ITGBL1: variants seen among roughly 807,000 people sequenced by gnomAD.
ITGBL1 encodes integrin beta-like protein 1.
A neutral mutation model predicts 68.5 loss-of-function variants in ITGBL1; 51 were observed. The observed-to-expected ratio is 0.74, with a 90% CI of 0.59 to 0.94. ITGBL1 has a LOEUF of 0.94. ITGBL1 is among the 40% of genes least tolerant of loss of function. The pLI is 0.00. For missense variants in ITGBL1, 649 were observed against 647.4 expected, an observed-to-expected ratio of 1.00 and a Z score of -0.03; for synonymous variants, 209 against 227.3, an observed-to-expected ratio of 0.92 and a Z score of 0.72.
chr13:101,600,547 C>T (rs1246533108), intron 7 of ITGBL1, among the ~76,000 whole-genome samples: 2 of 152,090 alleles, frequency 1.3e-5, no homozygotes, highest in African/African-American at 4.8e-5. Context: ...CAGTTTTTGT[C>T]CATTCAGTAT....
chr13:101,601,997 G>T (rs1455672593), intron 7 of ITGBL1, among the ~76,000 whole-genome samples: 5 of 151,968 alleles, frequency 3.3e-5, no homozygotes, highest in African/African-American at 1.2e-4. Flanking sequence ...AAAGTACATG[G>T]AGAAATATGA....
chr13:101,653,623 T>A (rs2032823234), intron 7 of ITGBL1, among the ~76,000 whole-genome samples: 2 of 152,088 alleles, frequency 1.3e-5, no homozygotes, highest in Admixed American at 1.3e-4. Flanking sequence ...AGCAAGACAA[T>A]ACATGCTTTT....
chr13:101,536,523 A>G (rs1299544291), intron 2 of ITGBL1, among the ~76,000 whole-genome samples: 1 of 152,026 alleles, frequency 6.6e-6, no homozygotes, highest in Non-Finnish European at 1.5e-5. Context: ...AAGACCATGG[A>G]TATTAAGATT....
At chr13:101,640,017 C>G (rs2032309825) in intron 7 of ITGBL1, among the ~76,000 whole-genome samples, 1 of 152,132 alleles carries the variant, frequency 6.6e-6, no homozygotes, top group South Asian at 2.1e-4. Flanking sequence ...TGGGCAGAAG[C>G]TCTGGAAATT....
intron 7 of ITGBL1, among the ~76,000 whole-genome samples, chr13:101,641,276 T>C (rs903891298): frequency 6.6e-6 from 1 of 152,206 alleles, no homozygotes; most frequent in African/African-American, 2.4e-5. Flanking sequence ...TAATGGTTGT[T>C]AAATAAATGC....
At chr13:101,536,054 T>C (rs1325213355) in intron 2 of ITGBL1, among the ~76,000 whole-genome samples, 1 of 6,050 alleles carries the variant, frequency 1.7e-4, no homozygotes, top group South Asian at 5.4e-3. Flanking sequence ...CTTTTCTATC[T>C]TTTTTTTTTA....
intron 2 of ITGBL1, among the ~76,000 whole-genome samples, chr13:101,490,528 ATG>A (rs1447069134): frequency 6.6e-6 from 1 of 152,188 alleles, no homozygotes; most frequent in Non-Finnish European, 1.5e-5. Flanking sequence ...GCTGTGAGTA[ATG>A]TGTTGTTCAC....
chr13:101,592,147 C>T (rs529502635), intron 6 of ITGBL1, among the ~76,000 whole-genome samples: 3 of 152,076 alleles, frequency 2.0e-5, no homozygotes, highest in African/African-American at 4.8e-5. Flanking sequence ...CTAAACCACA[C>T]CGTTTCTCAC....
chr13:101,473,179 T>C (rs1462136410), intron 2 of ITGBL1, among the ~76,000 whole-genome samples: 8 of 152,144 alleles, frequency 5.3e-5, no homozygotes, highest in Non-Finnish European at 1.2e-4. Flanking sequence ...GAAAGCACCT[T>C]TATGAGAACC....
intron 7 of ITGBL1, among the ~76,000 whole-genome samples, chr13:101,680,154 C>CA (rs2033607673): frequency 6.6e-6 from 1 of 152,148 alleles, no homozygotes; most frequent in Non-Finnish European, 1.5e-5. Flanking sequence ...TGTATTCGCA[C>CA]AAAAATATTT....
At position 101,714,464 on chromosome 13, in the gene ITGBL1, T is replaced by C; in HGVS notation, c.1306T>C (p.Cys436Arg). The change falls in exon 10 of 11, where the codon TGT becomes CGT. Residue 436 changes from cysteine to arginine, a missense_variant. Transcript: ENST00000376180. Reference sequence around the variant, plus strand: ...TTCTTGTCATTGTGGGAAGTGCATTTGTTCTGCTGAAGAGTGGTATATTTC... The same window carrying C: ...TTCTTGTCATTGTGGGAAGTGCATTCGTTCTGCTGAAGAGTGGTATATTTC... ...KGSCHCGKCI[C>R]SAEEWYISGE... 6.2e-7 allele frequency: 1 copy of C among 1,610,930 alleles called. No individual in the cohort carries two copies. The highest frequency in any genetic ancestry group is 1.1e-5 in the South Asian group (1 of 90,946).
chr13:101,703,231 T>C (rs1045110401), intron 8 of ITGBL1, among the ~76,000 whole-genome samples: 2 of 151,682 alleles, frequency 1.3e-5, no homozygotes, highest in Admixed American at 1.3e-4. Context: ...GAGTCTCACT[T>C]AGGGATATTA....
chr13:101,486,316 A>G (rs1305959299), intron 2 of ITGBL1, among the ~76,000 whole-genome samples: 1 of 152,142 alleles, frequency 6.6e-6, no homozygotes, highest in Non-Finnish European at 1.5e-5. Flanking sequence ...AGAATGATAT[A>G]ATGGACTTTG....
intron 2 of ITGBL1, among the ~76,000 whole-genome samples, chr13:101,566,059 T>C (rs2050179198): frequency 1.3e-5 from 2 of 152,136 alleles, no homozygotes; most frequent in South Asian, 4.1e-4. Flanking sequence ...AAAAATCACA[T>C]TGAGTAGTCT....
chr13:101,620,538 C>T (rs1337124669), intron 7 of ITGBL1, among the ~76,000 whole-genome samples: 1 of 152,056 alleles, frequency 6.6e-6, no homozygotes, highest in Non-Finnish European at 1.5e-5. Context: ...AAGAGGGCTA[C>T]AGCAGTATTT....
chr13:101,454,210 C>A, intron 2 of ITGBL1, 110 bp downstream of exon 2: 1 of 659,696 alleles, frequency 1.5e-6, no homozygotes, highest in Non-Finnish European at 2.3e-6. Context: ...TTCACATAAG[C>A]ACCAATTAAG....
intron 7 of ITGBL1, among the ~76,000 whole-genome samples, chr13:101,683,856 C>G (rs183090450): frequency 6.6e-6 from 1 of 152,032 alleles, no homozygotes; most frequent in Admixed American, 6.6e-5. Context: ...ACTGGCCATA[C>G]AATCCCATTT....
At chr13:101,553,405 T>C (rs1025525200) in intron 2 of ITGBL1, among the ~76,000 whole-genome samples, 2 of 152,174 alleles carry the variant, frequency 1.3e-5, no homozygotes, top group African/African-American at 4.8e-5. Context: ...TGCATTAATA[T>C]GTCAATGTGT....
At chr13:101,471,818 G>A (rs766232119) in intron 2 of ITGBL1, among the ~76,000 whole-genome samples, 38 of 152,130 alleles carry the variant, frequency 2.5e-4, no homozygotes, top group Non-Finnish European at 4.6e-4. Context: ...GGAGCCACAG[G>A]CCCAAGCCAG....
Sources: gnomAD v4.1 joint callset for allele counts (sites outside exome capture counted in the v4.1 genomes callset) on GRCh38, gnomAD v4.1.1 for gene constraint, MANE v1.5 for transcripts, NCBI Gene and HGNC (gene_info 2026-07-23, HGNC 2026-07-21) for gene names.